Variants in CPAMD8 observed in about 807,000 individuals in gnomAD.
CPAMD8 encodes the protein C3 and PZP-like alpha-2-macroglobulin domain-containing protein 8.
Under a neutral mutation model 224.7 loss-of-function variants are expected in CPAMD8, and 146 were observed. The ratio of observed to expected loss-of-function variants is 0.65; its 90% CI spans 0.57 to 0.75. The LOEUF (loss-of-function observed/expected upper bound fraction) is 0.75, where lower values mean the gene tolerates loss of function less well. Among genes scored for constraint, CPAMD8 ranks in the 30% least tolerant of loss-of-function variants. The pLI is 0.00. For missense variants in CPAMD8, 2,301 were observed against 2,537.5 expected (o/e 0.91, Z 2.00); for synonymous variants, 966 against 1,044.6 (o/e 0.92, Z 1.45).
At chr19:16,991,282 C>A (rs914732276) in intron 12 of CPAMD8, among the ~76,000 whole-genome samples, 1 of 152,056 alleles carries the variant, frequency 6.6e-6, no homozygotes, top group Non-Finnish European at 1.5e-5. Flanking sequence ...TGTCATTTTG[C>A]TATGGTAAAG....
chr19:17,001,320 GAAAAAAA>G (rs1170361586), intron 9 of CPAMD8, among the ~76,000 whole-genome samples: 1 of 42,468 alleles, frequency 2.4e-5, no homozygotes, highest in African/African-American at 1.0e-4. Context: ...GACTCCGTCT[GAAAAAAA>G]AAAAAAAAAA....
rs200423977 is a variant in CPAMD8, at chr19:16,914,738, G to A, written c.3705C>T (p.Ala1235=). The A allele has an allele frequency of 4.0e-4, 651 of 1,614,108 alleles. 4 individuals are homozygous for A. The South Asian group carries it at 4.5e-3, about 11-fold the overall frequency. The change falls in exon 28 of 42, where the codon GCC becomes GCT. Residue 1235 remains alanine (A), a synonymous_variant. Transcript: ENST00000443236. ...GCTGCTGGATGATCCAGCTCTTGGC[G>A]GCAGCCAGCTCCCGGGGGTCCACGA... ...FIFVDPRELA[A]AKSWIIQQQQ...
At chr19:17,016,809 G>GGA (rs905866852) in intron 3 of CPAMD8, among the ~76,000 whole-genome samples, 11 of 151,392 alleles carry the variant, frequency 7.3e-5, no homozygotes, top group African/African-American at 2.2e-4. Context: ...AGGAAAGGCA[G>GGA]GAGAGAGAGA....
At chr19:16,924,272 C>A (rs1343780645) in intron 26 of CPAMD8, among the ~76,000 whole-genome samples, 1 of 147,342 alleles carries the variant, frequency 6.8e-6, no homozygotes. Flanking sequence ...GGGAAGATGG[C>A]GGGGGTTGAT....
At chr19:16,956,469 A>G (rs1302810743) in intron 19 of CPAMD8, among the ~76,000 whole-genome samples, 3 of 151,962 alleles carry the variant, frequency 2.0e-5, no homozygotes, top group African/African-American at 4.8e-5. Flanking sequence ...TGTCTACTCT[A>G]GCTACAATGA....
chr19:17,026,449 G>A (rs1215322667), intron 1 of CPAMD8, 102 bp downstream of exon 1: 3 of 1,238,244 alleles, frequency 2.4e-6, no homozygotes, highest in Admixed American at 3.9e-5. Flanking sequence ...CCAGCGCGGA[G>A]GCTGTGTGGC....
intron 21 of CPAMD8, 115 bp from the exon 22 acceptor site, chr19:16,945,794 T>C: frequency 1.1e-6 from 1 of 901,126 alleles, no homozygotes; most frequent in Non-Finnish European, 1.8e-6. Flanking sequence ...TGTGTGTGCA[T>C]GTGTGTGTGT....
Position 16,896,342 on chromosome 19 carries a change from C to A in CPAMD8, c.5276-16G>T. 1 of 1,591,896 alleles carries A rather than the reference C, an allele frequency of 6.3e-7. No homozygotes were observed. Among genetic ancestry groups the A allele is most frequent in the Non-Finnish European group, 8.6e-7 (1 of 1,168,682 alleles). On this transcript the variant is annotated splice_polypyrimidine_tract_variant and intron_variant, in intron 40 of 41. Coordinates refer to ENST00000443236, the MANE Select transcript of CPAMD8 (RefSeq NM_015692.5). ...AGCCGCTGCTCTGGAAGGAAGGGGG[C>A]CTCGGTCGGGAGGGCGTGGCGGGGA...
chr19:16,942,491 T>G (rs1381762891), intron 22 of CPAMD8, among the ~76,000 whole-genome samples: 1 of 152,152 alleles, frequency 6.6e-6, no homozygotes, highest in East Asian at 1.9e-4. Context: ...AATAAACTAA[T>G]AAATAAATAA....
intron 29 of CPAMD8, among the ~76,000 whole-genome samples, chr19:16,909,531 G>A (rs562423508): frequency 7.9e-5 from 12 of 151,976 alleles, no homozygotes; most frequent in South Asian, 2.1e-4. Flanking sequence ...GCAACAGAGC[G>A]AGACTCCATC....
chr19:16,965,418 T>C (rs2054796732), intron 18 of CPAMD8, among the ~76,000 whole-genome samples: 1 of 152,170 alleles, frequency 6.6e-6, no homozygotes, highest in African/African-American at 2.4e-5. Context: ...AGCATTCCCT[T>C]TGAAAACTGG....
rs1183104159 is a variant in CPAMD8 at position 16,928,041 on chromosome 19, G to C, written c.3338C>G (p.Pro1113Arg). Residue 1113 changes from proline to arginine, a missense_variant, in exon 25 of 42, where the codon CCT (proline) becomes CGT (arginine). Physicochemically the swap from Pro to Arg is moderately radical, Grantham distance 103. This residue lies in a region of CPAMD8 where 1,709 missense variants were observed against 1,753.2 expected (regional missense o/e 0.97). Coordinates refer to ENST00000443236, the MANE Select transcript of CPAMD8 (RefSeq NM_015692.5). ...GGAGGCGGTGGCTCGCTCAGACCCAGGGATGGCGCCGTGTGGGACCCCCAG... is the reference window on the plus strand; with the variant it reads ...GGAGGCGGTGGCTCGCTCAGACCCACGGATGGCGCCGTGTGGGACCCCCAG... ...FTLGVPHGAI[P>R]GSERATASII... The C allele has an allele frequency of 1.2e-6, 2 of 1,613,700 alleles. No individual in the cohort carries two copies. The highest frequency in any genetic ancestry group is 1.7e-6 in the Non-Finnish European group (2 of 1,179,770).
At chr19:16,900,279 T>G (rs1355419876) in intron 36 of CPAMD8, among the ~76,000 whole-genome samples, 2 of 152,078 alleles carry the variant, frequency 1.3e-5, no homozygotes, top group Non-Finnish European at 2.9e-5. Context: ...GGAACTTTGC[T>G]GAAGTTCTAG....
intron 29 of CPAMD8, among the ~76,000 whole-genome samples, chr19:16,913,408 AG>A (rs1488636536): frequency 6.6e-6 from 1 of 152,116 alleles, no homozygotes; most frequent in Non-Finnish European, 1.5e-5. Context: ...ATGAAGAGGA[AG>A]AGCACTAGAG....
chr19:16,905,533 T>C (rs1599665491), intron 30 of CPAMD8, among the ~76,000 whole-genome samples: 1 of 56,950 alleles, frequency 1.8e-5, no homozygotes, highest in Non-Finnish European at 3.0e-5. Flanking sequence ...AGAGCGAAAC[T>C]CCGTTTCAAA....
intron 39 of CPAMD8, 73 bp from the exon 40 acceptor site, chr19:16,896,738 G>T: frequency 9.0e-7 from 1 of 1,111,678 alleles, no homozygotes; most frequent in Non-Finnish European, 1.2e-6. Flanking sequence ...CCTGGGGGTG[G>T]GGAAGATGTC....
intron 29 of CPAMD8, among the ~76,000 whole-genome samples, chr19:16,908,786 C>A (rs2052615765): frequency 6.6e-6 from 1 of 152,166 alleles, no homozygotes; most frequent in Admixed American, 6.6e-5. Context: ...GAGGCATGTG[C>A]CAGGGATGAA....
At chr19:16,977,035 C>T (rs574875454) in intron 15 of CPAMD8, among the ~76,000 whole-genome samples, 2 of 150,584 alleles carry the variant, frequency 1.3e-5, no homozygotes, top group South Asian at 4.2e-4. Flanking sequence ...GAGCTTGACT[C>T]CGTCTCAAAA....
chr19:17,000,750 G>T (rs539795518), intron 9 of CPAMD8, among the ~76,000 whole-genome samples: 1 of 152,282 alleles, frequency 6.6e-6, no homozygotes, highest in African/African-American at 2.4e-5. Flanking sequence ...GACAGAAAAA[G>T]AGACCAAGGG....
Sources: allele counts gnomAD v4.1 joint callset (sites outside exome capture counted in the v4.1 genomes callset), GRCh38; gene constraint gnomAD v4.1.1; regional missense constraint gnomAD v4.1.1; transcripts MANE v1.5; gene names NCBI Gene and HGNC (gene_info 2026-07-23, HGNC 2026-07-21).